STK10: variants seen among roughly 807,000 people sequenced by gnomAD.
The protein encoded by STK10 is serine/threonine kinase 10, also known as serine/threonine-protein kinase 10.
A neutral mutation model predicts 113.8 loss-of-function variants in STK10; 78 were observed. The observed-to-expected ratio is 0.69, with a 90% CI of 0.57 to 0.83. The LOEUF (loss-of-function observed/expected upper bound fraction) is 0.83, where lower values mean the gene tolerates loss of function less well. Among genes scored for constraint, STK10 ranks in the 40% least tolerant of loss-of-function variants. STK10 has a pLI of 0.00. For missense variants in STK10, 1,109 were observed against 1,280.1 expected (o/e 0.87, Z 2.04); for synonymous variants, 465 against 494.7 (o/e 0.94, Z 0.80).
chr5:172,131,942 T>C (rs1769765303), intron 2 of STK10, among the ~76,000 whole-genome samples: 3 of 152,230 alleles, frequency 2.0e-5, no homozygotes, highest in Non-Finnish European at 4.4e-5. Context: ...GGCTAGAGGC[T>C]GTGAGTTCAG....
At chr5:172,067,586 A>C (rs1184732291) in intron 12 of STK10, among the ~76,000 whole-genome samples, 1 of 151,990 alleles carries the variant, frequency 6.6e-6, no homozygotes, top group Non-Finnish European at 1.5e-5. Context: ...CCATGAGGTA[A>C]AGCCCTTTAA....
At chr5:172,052,665 C>T (rs753146278) in intron 18 of STK10, among the ~76,000 whole-genome samples, 85 of 152,356 alleles carry the variant, frequency 5.6e-4, no homozygotes, top group African/African-American at 1.9e-3. Context: ...CTCACTGCAG[C>T]GTCCTCTGTG....
chr5:172,093,043 C>T lies in STK10; in HGVS notation c.1554+369G>A, dbSNP rs146567772. The T allele has an allele frequency of 1.7e-4, 32 of 188,046 alleles. No homozygotes were observed. In the East Asian group the frequency reaches 3.6e-3, roughly 21 times the overall value. 11.6% of individuals were successfully genotyped at this position (188,046 alleles called of 1,614,324 possible). A position where few individuals can be genotyped will look rare whatever the true frequency, so the allele number is the denominator to read the frequency against. On this transcript the variant is annotated intron_variant, in intron 9 of 18. Transcript: ENST00000176763. This position sits in a 1 kb window ranked among gnomAD's most constrained non-coding sequence, Gnocchi z 4.1. ...ACACTGCCCACCTCCAGAAAGGCCC[C>T]GGAGGCGGGGAAGATGGCTTTGAGC...
intron 3 of STK10, among the ~76,000 whole-genome samples, chr5:172,122,719 G>A (rs1413228773): frequency 6.6e-6 from 1 of 152,170 alleles, no homozygotes; most frequent in African/African-American, 2.4e-5. Flanking sequence ...CGCCTCCCAG[G>A]TTCACGCCAT....
At chr5:172,100,965 T>C (rs1768977504) in intron 7 of STK10, among the ~76,000 whole-genome samples, 1 of 152,064 alleles carries the variant, frequency 6.6e-6, no homozygotes, top group African/African-American at 2.4e-5. Context: ...AGGACCAGGA[T>C]CAGAACCCAG....
At chr5:172,106,564 C>G (rs1337285389) in intron 6 of STK10, 56 bp downstream of exon 6, 1 of 1,540,282 alleles carries the variant, frequency 6.5e-7, no homozygotes, top group South Asian at 1.2e-5. Flanking sequence ...ACCACATATT[C>G]CAGCCCTAAT....
Position 172,061,156 on chromosome 5 carries a change from T to C in STK10, c.2195A>G (p.Lys732Arg). 6.2e-7 allele frequency: 1 copy of C among 1,612,292 alleles called. No homozygotes were observed. The highest frequency in any genetic ancestry group is 8.5e-7 in the Non-Finnish European group (1 of 1,179,586). The part of the protein sequence containing the change: ...CDKERECLMK[K>R]QELLRDREAA... ...ACCCCCACCTCGAAGGAGCTCCTGC[T>C]TCTTCATGAGGCACTCGCGCTCCTT... The change falls in exon 14 of 19, where the codon AAG becomes AGG. Residue 732 changes from lysine (K) to arginine (R), a missense_variant. Lys to Arg is a conservative substitution (Grantham distance 26). Around this residue, in one of 5 missense-constraint regions of STK10, gnomAD observed 885 missense variants for 991.1 expected, o/e 0.89. Coordinates refer to ENST00000176763, the MANE Select transcript of STK10 (RefSeq NM_005990.4).
intron 10 of STK10, among the ~76,000 whole-genome samples, chr5:172,085,561 C>T (rs995041881): frequency 2.6e-5 from 4 of 151,316 alleles, no homozygotes; most frequent in East Asian, 3.9e-4. Flanking sequence ...TGGTGGTGCA[C>T]GTCTGTAATC....
chr5:172,118,684 T>C (rs1347839425), intron 3 of STK10, among the ~76,000 whole-genome samples: 1 of 151,556 alleles, frequency 6.6e-6, no homozygotes, highest in Admixed American at 6.6e-5. Flanking sequence ...TTCAAGACCA[T>C]CCTGGCCAAC....
rs1264206643 is a variant in STK10, at chr5:172,064,853, C to T, written c.1990-41G>A. 5.0e-6 allele frequency: 8 copies of T among 1,601,310 alleles called. No homozygotes were observed. The African/African-American group carries it at 1.1e-4, about 21-fold the overall frequency. The stretch of plus-strand genomic sequence containing the variant: ...CAGAGAGTAGCTGGGTCAGGGTCCT[C>T]TCCATGCTTCCTACAGTATAATCTT... On this transcript the variant is annotated intron_variant, in intron 12 of 18. Coordinates refer to ENST00000176763, the MANE Select transcript of STK10 (RefSeq NM_005990.4).
At chr5:172,153,299 A>AGGAAAGAAAGGAAAGAAAG in intron 2 of STK10, among the ~76,000 whole-genome samples, 1 of 54,618 alleles carries the variant, frequency 1.8e-5, no homozygotes, top group African/African-American at 2.1e-4. Context: ...AAAGAAAGAA[A>AGGAAAGAAAGGAAAGAAAG]GAAAGAAAGA....
At chr5:172,063,906 C>A (rs1028244617) in intron 13 of STK10, among the ~76,000 whole-genome samples, 1 of 152,180 alleles carries the variant, frequency 6.6e-6, no homozygotes, top group African/African-American at 2.4e-5. Flanking sequence ...CACACAAAGA[C>A]CCCCTCGTGG....
chr5:172,171,190 T>C (rs1421344154), intron 1 of STK10, among the ~76,000 whole-genome samples: 1 of 151,852 alleles, frequency 6.6e-6, no homozygotes, highest in Non-Finnish European at 1.5e-5. Flanking sequence ...AGGAAGAAAA[T>C]CAAAGCTTTT....
At chr5:172,053,654 GT>G (rs1435671027) in intron 17 of STK10, among the ~76,000 whole-genome samples, 1 of 152,228 alleles carries the variant, frequency 6.6e-6, no homozygotes, top group East Asian at 1.9e-4. Context: ...AATCAGTCTT[GT>G]CATGAGGAGC....
intron 5 of STK10, among the ~76,000 whole-genome samples, chr5:172,107,423 C>G (rs976769246): frequency 6.6e-6 from 1 of 152,198 alleles, no homozygotes; most frequent in African/African-American, 2.4e-5. Context: ...TTGTACTGTT[C>G]ACCTTCACGG....
chr5:172,140,495 G>C (rs57713472), intron 2 of STK10, among the ~76,000 whole-genome samples: 15,017 of 152,198 alleles, frequency 0.099, 2,484 homozygotes, highest in African/African-American at 0.34. Context: ...TCAGGAGTTC[G>C]AGACCAGCCT....
At chr5:172,086,667 A>G (rs1171029502) in intron 10 of STK10, among the ~76,000 whole-genome samples, 1 of 152,246 alleles carries the variant, frequency 6.6e-6, no homozygotes, top group Non-Finnish European at 1.5e-5. Flanking sequence ...GCCAGGGGTC[A>G]GGTATGACCA....
intron 2 of STK10, among the ~76,000 whole-genome samples, chr5:172,148,984 G>A (rs558859415): frequency 6.6e-6 from 1 of 152,308 alleles, no homozygotes; most frequent in Non-Finnish European, 1.5e-5. Context: ...CCAGTAGTTG[G>A]AGACCAGCCC....
chr5:172,131,849 G>A (rs1334503231), intron 2 of STK10, among the ~76,000 whole-genome samples: 1 of 152,166 alleles, frequency 6.6e-6, no homozygotes, highest in African/African-American at 2.4e-5. Context: ...TAACAGTGTT[G>A]GGAGGTGGGA....
Sources: gnomAD v4.1 joint callset for allele counts (sites outside exome capture counted in the v4.1 genomes callset) on GRCh38, gnomAD v4.1.1 for gene constraint, gnomAD v4.1.1 regional missense constraint, Gnocchi (gnomAD v3.1) non-coding constraint, MANE v1.5 for transcripts, NCBI Gene and HGNC (gene_info 2026-07-23, HGNC 2026-07-21) for gene names.